The following FRMPD4 variants were observed in gnomAD, a reference collection of about 807,000 sequenced individuals.
FRMPD4 encodes FERM and PDZ domain-containing protein 4.
In FRMPD4, 22 loss-of-function variants were observed where a neutral mutation model predicts 94.1. The ratio of observed to expected loss-of-function variants is 0.23; its 90% CI spans 0.17 to 0.33. The LOEUF (loss-of-function observed/expected upper bound fraction) is 0.33. FRMPD4 is among the 10% of genes least tolerant of loss of function. The pLI, the probability that FRMPD4 is intolerant of heterozygous loss-of-function variation, is 1.00. For synonymous variants in FRMPD4, 631 were observed against 548.6 expected (o/e 1.15, Z -2.10); for missense variants, 1,111 against 1,339.9 (o/e 0.83, Z 2.67).
intron 4 of FRMPD4, among the ~76,000 whole-genome samples, chrX:12,623,762 G>A (rs1001527783): frequency 1.8e-5 from 2 of 111,685 alleles, no homozygotes; most frequent in Non-Finnish European, 3.8e-5. Context: ...ATTGAAAGCA[G>A]CAAGAGAAAA....
chrX:12,337,624 G>A (rs958094492), intron 1 of FRMPD4, among the ~76,000 whole-genome samples: 15 of 111,807 alleles, frequency 1.3e-4, no homozygotes, highest in African/African-American at 3.9e-4. Context: ...GGTGCTTTGC[G>A]ACAGTGATTT....
chrX:12,616,735 G>A (rs906614103), intron 4 of FRMPD4, among the ~76,000 whole-genome samples: 3 of 112,529 alleles, frequency 2.7e-5, no homozygotes, highest in Non-Finnish European at 5.6e-5. Context: ...GTGTGTGGGT[G>A]TCAGCAGGGG....
At chrX:12,680,982 C>T (rs186206686) in intron 5 of FRMPD4, among the ~76,000 whole-genome samples, 18 of 111,104 alleles carry the variant, frequency 1.6e-4, no homozygotes, top group African/African-American at 4.2e-4. Context: ...GATATGCATC[C>T]GAAAACTCTA....
chrX:12,539,735 G>A (rs1294673069), intron 2 of FRMPD4, among the ~76,000 whole-genome samples: 1 of 110,485 alleles, frequency 9.1e-6, no homozygotes, highest in Non-Finnish European at 1.9e-5. Context: ...CCAGGTTCAA[G>A]CGATTCTCCT....
At chrX:12,378,621 G>A (rs1229047869) in intron 1 of FRMPD4, among the ~76,000 whole-genome samples, 1 of 112,326 alleles carries the variant, frequency 8.9e-6, no homozygotes, top group Non-Finnish European at 1.9e-5. Flanking sequence ...CTGTGTGTAG[G>A]AACATGTAAG....
At chrX:11,914,817 G>C (rs1378072478) in intron 3 of FRMPD4, among the ~76,000 whole-genome samples, 5 of 111,653 alleles carry the variant, frequency 4.5e-5, no homozygotes, top group African/African-American at 1.6e-4. Context: ...GTTCTGGATG[G>C]GGAGAAAAAT....
At chrX:11,825,288 C>G (rs368303990) in intron 1 of FRMPD4, among the ~76,000 whole-genome samples, 3 of 103,544 alleles carry the variant, frequency 2.9e-5, no homozygotes, top group African/African-American at 1.1e-4. Context: ...AAATAGTGAA[C>G]GGCTTGTGTG....
chrX:12,081,471 C>G (rs1192311386), intron 3 of FRMPD4, among the ~76,000 whole-genome samples: 1 of 111,012 alleles, frequency 9.0e-6, no homozygotes, highest in Admixed American at 9.6e-5. Flanking sequence ...CTTTCTCAGC[C>G]ATGACTTTGA....
At chrX:12,284,979 C>T (rs6639171) in intron 1 of FRMPD4, among the ~76,000 whole-genome samples, 15,980 of 111,506 alleles carry the variant, frequency 0.14, 962 homozygotes, top group East Asian at 0.37. Context: ...CATTGAGGAA[C>T]ATACTTGGCA....
intron 1 of FRMPD4, among the ~76,000 whole-genome samples, chrX:12,475,714 T>C (rs1208292559): frequency 1.8e-5 from 2 of 111,771 alleles, no homozygotes; most frequent in Admixed American, 9.4e-5. Context: ...CCATTCACAA[T>C]TGCTTCAAAG....
intron 3 of FRMPD4, among the ~76,000 whole-genome samples, chrX:12,052,390 T>A (rs2054823380): frequency 8.9e-6 from 1 of 112,356 alleles, no homozygotes; most frequent in African/African-American, 3.2e-5. Flanking sequence ...GGTTGTAGTT[T>A]TGATCTCACT....
chrX:11,967,756 G>GTGTT (rs36019385), intron 3 of FRMPD4, among the ~76,000 whole-genome samples: 2 of 65,558 alleles, frequency 3.1e-5, no homozygotes, highest in Non-Finnish European at 5.7e-5. Flanking sequence ...GTGTGTGTGT[G>GTGTT]TTTTTTTTTT....
intron 4 of FRMPD4, among the ~76,000 whole-genome samples, chrX:12,627,606 G>A (rs1167990887): frequency 8.9e-6 from 1 of 112,035 alleles, no homozygotes; most frequent in Admixed American, 9.5e-5. Flanking sequence ...GTTCATAAAA[G>A]CTATAATGAT....
At chrX:11,843,776 G>A (rs1220223599) in intron 1 of FRMPD4, among the ~76,000 whole-genome samples, 8 of 109,781 alleles carry the variant, frequency 7.3e-5, no homozygotes, top group African/African-American at 2.7e-4. Flanking sequence ...ATGTTGAACT[G>A]CTGGACTCAG....
intron 4 of FRMPD4, among the ~76,000 whole-genome samples, chrX:12,673,742 C>G (rs1226556016): frequency 9.0e-6 from 1 of 111,683 alleles, no homozygotes; most frequent in South Asian, 3.8e-4. Context: ...TTCCTGCCCC[C>G]ACCAGCACCA....
At chrX:12,517,932 C>T (rs1240749159) in intron 2 of FRMPD4, among the ~76,000 whole-genome samples, 3 of 112,422 alleles carry the variant, frequency 2.7e-5, no homozygotes. Flanking sequence ...AGGTAGGCCC[C>T]GCCCGGTGAG....
At chrX:12,510,565 A>T (rs2058032726) in intron 2 of FRMPD4, among the ~76,000 whole-genome samples, 1 of 112,579 alleles carries the variant, frequency 8.9e-6, no homozygotes, top group Non-Finnish European at 1.9e-5. Flanking sequence ...CAAAATTAAC[A>T]ACAAGTTATT....
chrX:12,008,517 G>T (rs890964768), intron 3 of FRMPD4, among the ~76,000 whole-genome samples: 1 of 112,452 alleles, frequency 8.9e-6, no homozygotes, highest in Admixed American at 9.4e-5. Context: ...ATGTGCCTTT[G>T]CAGGCTGCTC....
chrX:12,241,402 A>G (rs1418663080), intron 1 of FRMPD4, among the ~76,000 whole-genome samples: 1 of 112,174 alleles, frequency 8.9e-6, no homozygotes, highest in Non-Finnish European at 1.9e-5. Context: ...CCAGCTTTTT[A>G]ACTTACGTAT....
Sources: allele counts gnomAD v4.1 joint callset (sites outside exome capture counted in the v4.1 genomes callset), GRCh38; gene constraint gnomAD v4.1.1; transcripts MANE v1.5; gene names NCBI Gene and HGNC (gene_info 2026-07-23, HGNC 2026-07-21).